HAL: variants seen among roughly 807,000 people sequenced by gnomAD.
HAL encodes histidase.
In HAL, 85 loss-of-function variants were observed where a neutral mutation model predicts 81.1. The ratio of observed to expected loss-of-function variants is 1.05; its 90% confidence interval spans 0.88 to 1.25. The LOEUF is 1.25. Among genes scored for constraint, HAL ranks in the 50% most tolerant of loss-of-function variants. The probability of loss-of-function intolerance (pLI) is 0.00; values close to 1 mark genes in which losing one functional copy is unlikely to be tolerated. For missense variants in HAL, 798 were observed against 836.6 expected, an observed-to-expected ratio of 0.95 and a Z score of 0.57; for synonymous variants, 301 against 309.2, an observed-to-expected ratio of 0.97 and a Z score of 0.28.
intron 20 of HAL, chr12:95,976,227 T>C (rs1467730277): frequency 1.6e-6 from 1 of 626,736 alleles, no homozygotes; most frequent in African/African-American, 1.8e-5. Flanking sequence ...TCCTTAGATA[T>C]TCAACCGTTG....
chr12:95,996,025 C>T, intron 1 of HAL, 34 bp from the exon 2 acceptor site: 2 of 987,994 alleles, frequency 2.0e-6, no homozygotes, highest in Non-Finnish European at 3.1e-6. Flanking sequence ...CAAACCACTC[C>T]CCCTCCTTCA....
In HAL at chr12:95,993,530, G is replaced by A. The variant is rs773134923; in HGVS notation, c.552-42C>T. 14 of 1,319,232 alleles carry A rather than the reference G, an allele frequency of 1.1e-5. No individual in the cohort carries two copies. In the East Asian group the frequency reaches 2.5e-4, roughly 24 times the overall value. The allele number at this position is 1,319,232 out of a possible 1,614,324, so 81.7% of individuals were successfully genotyped here. A position where few individuals can be genotyped will look rare whatever the true frequency, so the allele number is the denominator to read the frequency against. ...AAAACCCTCTTAGATACATTGCAGT[G>A]AGAAAATGTTCCCTCAGCTGGGAAA... is the stretch of plus-strand genomic sequence containing the variant. On this transcript the variant is annotated intron_variant, in intron 7 of 20. Transcript: ENST00000261208.
At chr12:95,993,582 G>A (rs1949997242) in intron 7 of HAL, 94 bp from the exon 8 acceptor site, 2 of 965,722 alleles carry the variant, frequency 2.1e-6, no homozygotes, top group South Asian at 1.3e-5. Context: ...TCAAATCCTT[G>A]GAGGGACAGA....
chr12:95,995,782 A>C lies in HAL; in HGVS notation c.129T>G (p.Gly43=). 1 of 1,613,618 alleles carries C rather than the reference A, an allele frequency of 6.2e-7. No homozygotes were observed. Among genetic ancestry groups the C allele is most frequent in the Non-Finnish European group, 8.5e-7 (1 of 1,180,028 alleles). The change falls in exon 2 of 21, where the codon GGT becomes GGG. Residue 43 remains glycine (G), a synonymous_variant. Coordinates refer to ENST00000261208, the MANE Select transcript of HAL (RefSeq NM_002108.4). ...GCGCGTCATCCACGGAGGTGAAGCC[A>C]CCATTGTCGGGCTTATTCTTGATAT... The part of the protein sequence containing the change: ...RRYIKNKPDN[G]GFTSVDDAHF...
At chr12:95,995,043 T>C (rs778973514) in intron 2 of HAL, 50 bp from the exon 3 acceptor site, 6 of 1,379,548 alleles carry the variant, frequency 4.3e-6, no homozygotes, top group Non-Finnish European at 6.2e-6. Context: ...TACAGCCATG[T>C]TCCCCCTGTT....
chr12:95,987,087 G>A lies in HAL; in HGVS notation c.1031C>T (p.Thr344Ile). 1 of 1,613,046 alleles carries A rather than the reference G, an allele frequency of 6.2e-7. No homozygotes were observed. Among genetic ancestry groups the A allele is most frequent in the South Asian group, 1.1e-5 (1 of 91,060 alleles). ...CTGACCAGTGTCAAAGGCTTTGGTG[G>A]TGCCCTTCAGCACCTCAAGGGTCAG... ...AALTLEVLKG[T>I]TKAFDTDIHA... Residue 344 changes from threonine (T) to isoleucine (I), a missense_variant, in exon 12 of 21, where the codon ACC becomes ATC. By Grantham distance (89) the Thr-to-Ile change is moderately conservative. Coordinates refer to ENST00000261208, the MANE Select transcript of HAL (RefSeq NM_002108.4).
At chr12:95,977,339 T>G (rs2080732942) in intron 18 of HAL, among the ~76,000 whole-genome samples, 1 of 151,896 alleles carries the variant, frequency 6.6e-6, no homozygotes, top group African/African-American at 2.4e-5. Flanking sequence ...GTGTGAGAGT[T>G]CATGGTACTC....
At position 95,994,155 on chromosome 12, in the gene HAL, A is replaced by T. The variant is rs918053105; in HGVS notation, c.346T>A (p.Leu116Ile). ...TCCGTGGTCAGACGGTCTCCATCTA[A>T]CTCGATGTACTACACAAAAGAAGGG... ...KYREPEKYIE[L>I]DGDRLTTEDL... Residue 116 changes from leucine (L) to isoleucine (I), a missense_variant, in exon 5 of 21, where the codon TTA becomes ATA. Physicochemically the swap from Leu to Ile is conservative, Grantham distance 5 (BLOSUM62 2). Coordinates refer to ENST00000261208, the MANE Select transcript of HAL (RefSeq NM_002108.4). The T allele has an allele frequency of 6.2e-6, 10 of 1,610,384 alleles. No individual in the cohort carries two copies. Among genetic ancestry groups the T allele is most frequent in the African/African-American group, 2.7e-5 (2 of 74,830 alleles).
chr12:95,994,124 A>G lies in HAL; in HGVS notation c.377T>C (p.Leu126Pro). The change falls in exon 5 of 21, where the codon CTG becomes CCG. Residue 126 changes from leucine (L) to proline (P), a missense_variant. Transcript: ENST00000261208. The part of the protein sequence containing the change: ...LDGDRLTTED[L>P]VNLGKGRYKI... ...GTAGCGTCCCTTTCCCAAGTTGACCAGATCCTCCGTGGTCAGACGGTCTCC... is the reference window on the plus strand; with the variant it reads ...GTAGCGTCCCTTTCCCAAGTTGACCGGATCCTCCGTGGTCAGACGGTCTCC... 1 of 1,613,744 alleles carries G rather than the reference A, an allele frequency of 6.2e-7. No individual in the cohort carries two copies. Among genetic ancestry groups the G allele is most frequent in the Non-Finnish European group, 8.5e-7 (1 of 1,179,630 alleles).
rs746583029 is a variant in HAL at position 95,986,056 on chromosome 12, T to C, written c.1147+9A>G. 1.9e-6 allele frequency: 3 copies of C among 1,598,260 alleles called. No individual in the cohort carries two copies. Among genetic ancestry groups the C allele is most frequent in the Non-Finnish European group, 2.6e-6 (3 of 1,165,520 alleles). ...ACCAAATAGGTCACTCCCATAAACATGGTCAGACCTGCTATTTCTGATGGG... is the reference window on the plus strand; with the variant it reads ...ACCAAATAGGTCACTCCCATAAACACGGTCAGACCTGCTATTTCTGATGGG... On this transcript the variant is annotated intron_variant, in intron 13 of 20. Coordinates refer to ENST00000261208, the MANE Select transcript of HAL (RefSeq NM_002108.4).
intron 9 of HAL, among the ~76,000 whole-genome samples, chr12:95,991,262 GTT>G (rs1949967019): frequency 6.6e-6 from 1 of 151,218 alleles, no homozygotes; most frequent in African/African-American, 2.4e-5. Flanking sequence ...TTTTGTTTTT[GTT>G]TTTGTTTTAC....
intron 17 of HAL, 109 bp from the exon 18 acceptor site, chr12:95,978,187 A>ATT: frequency 1.2e-6 from 1 of 839,110 alleles, no homozygotes; most frequent in South Asian, 1.4e-5. Context: ...TCTCCAGAAG[A>ATT]TCTTGGACAT....
At chr12:95,978,124 G>GCACTT in intron 17 of HAL, 46 bp from the exon 18 acceptor site, 3 of 1,536,736 alleles carry the variant, frequency 2.0e-6, no homozygotes, top group Non-Finnish European at 2.7e-6. Flanking sequence ...CACAGGATGA[G>GCACTT]CTGTCTAAAG....
intron 3 of HAL, 36 bp downstream of exon 3, chr12:95,994,897 C>T (rs1457254385): frequency 6.2e-7 from 1 of 1,608,134 alleles, no homozygotes; most frequent in Non-Finnish European, 8.5e-7. Flanking sequence ...AGGAGCCACC[C>T]CCAGAGCAGA....
At position 95,974,297 on chromosome 12, in the gene HAL, T is replaced by C; in HGVS notation, c.1909A>G (p.Thr637Ala). 6.2e-7 allele frequency: 1 copy of C among 1,613,398 alleles called. No homozygotes were observed. Among genetic ancestry groups the C allele is most frequent in the Non-Finnish European group, 8.5e-7 (1 of 1,179,270 alleles). The change falls in exon 21 of 21, where the codon ACA (threonine) becomes GCA (alanine). Residue 637 changes from threonine (T) to alanine (A), a missense_variant. Coordinates refer to ENST00000261208, the MANE Select transcript of HAL (RefSeq NM_002108.4). The part of the protein sequence containing the change: ...HIPESRPLSP[T>A]AFSLQFLHKK... Reference sequence around the variant, plus strand: ...TGCAGAAATTGCAGTGAAAAGGCTGTTGGAGAAAGAGGTCTTGATTCTGGA... The same window carrying C: ...TGCAGAAATTGCAGTGAAAAGGCTGCTGGAGAAAGAGGTCTTGATTCTGGA...
rs757263076 is a variant in HAL at position 95,990,352 on chromosome 12, C to T, written c.855+41G>A. 5.7e-6 allele frequency: 9 copies of T among 1,579,394 alleles called. No homozygotes were observed. In the South Asian group the frequency reaches 1.0e-4, roughly 18 times the overall value. On this transcript the variant is annotated intron_variant, in intron 10 of 20. Transcript: ENST00000261208. ...CATGCAAGCACAGTTGGTGTCCAAC[C>T]TGGGGCAATTGCTGCAGATAGAAGC...
At position 95,996,011 on chromosome 12, in the gene HAL, C is replaced by T. The variant is rs1183079545; in HGVS notation, c.-81-20G>A. On this transcript the variant is annotated intron_variant, in intron 1 of 20. Coordinates refer to ENST00000261208, the MANE Select transcript of HAL (RefSeq NM_002108.4). Reference sequence around the variant, plus strand: ...GGTCAGCTGGAAGGATGAGAATAGACTTTCAAACCACTCCCCCTCCTTCAC... The same window carrying T: ...GGTCAGCTGGAAGGATGAGAATAGATTTTCAAACCACTCCCCCTCCTTCAC... 1.2e-5 allele frequency: 14 copies of T among 1,148,324 alleles called. No individual in the cohort carries two copies. Among genetic ancestry groups the T allele is most frequent in the Non-Finnish European group, 1.8e-5 (14 of 787,456 alleles). The allele number at this position is 1,148,324 out of a possible 1,614,324, so 71.1% of individuals were successfully genotyped here. A position where few individuals can be genotyped will look rare whatever the true frequency, so the allele number is the denominator to read the frequency against.
chr12:95,989,749 G>A (rs572329561), intron 10 of HAL: 32 of 158,394 alleles, frequency 2.0e-4, no homozygotes, highest in Non-Finnish European at 3.8e-4. Context: ...AAGCCTGCAC[G>A]GAAGACAGAT....
chr12:95,981,026 C>G (rs1407054548), intron 15 of HAL, among the ~76,000 whole-genome samples, 163 bp from the exon 16 acceptor site: 1 of 151,542 alleles, frequency 6.6e-6, no homozygotes. Context: ...GGCACAAAAG[C>G]AAAAAACAAA....
Sources: gnomAD v4.1 joint callset for allele counts (sites outside exome capture counted in the v4.1 genomes callset) on GRCh38, gnomAD v4.1.1 for gene constraint, MANE v1.5 for transcripts, NCBI Gene and HGNC (gene_info 2026-07-23, HGNC 2026-07-21) for gene names.